PDSS2: variants seen among roughly 807,000 people sequenced by gnomAD.
The protein encoded by PDSS2 is all trans-polyprenyl-diphosphate synthase PDSS2.
Under a neutral mutation model 44.5 loss-of-function variants are expected in PDSS2, and 31 were observed. That is an observed-to-expected ratio of 0.70 (90% CI 0.52 to 0.94). The LOEUF is 0.94. PDSS2 is among the 40% of genes least tolerant of loss of function. The probability of loss-of-function intolerance (pLI) is 0.00; values close to 1 mark genes in which losing one functional copy is unlikely to be tolerated. For missense variants in PDSS2, 452 were observed against 482.2 expected (o/e 0.94, Z 0.59); for synonymous variants, 157 against 180.3 (o/e 0.87, Z 1.03).
intron 1 of PDSS2, among the ~76,000 whole-genome samples, chr6:107,369,162 G>A (rs1008886094): frequency 3.3e-5 from 5 of 152,226 alleles, no homozygotes; most frequent in African/African-American, 1.2e-4. Context: ...GCTCACGCCT[G>A]TAATCCTAGC....
intron 4 of PDSS2, among the ~76,000 whole-genome samples, chr6:107,224,755 A>G (rs1247495353): frequency 6.6e-6 from 1 of 151,372 alleles, no homozygotes; most frequent in Non-Finnish European, 1.5e-5. Flanking sequence ...GCCAACATTA[A>G]CAACTACTAG....
At chr6:107,458,938 A>G in intron 1 of PDSS2, 52 bp downstream of exon 1, 1 of 1,570,552 alleles carries the variant, frequency 6.4e-7, no homozygotes, top group East Asian at 2.2e-5. Flanking sequence ...CCCGCCAGAA[A>G]AAAAAGTATT....
intron 4 of PDSS2, among the ~76,000 whole-genome samples, chr6:107,226,988 T>C (rs1012640797): frequency 1.2e-4 from 18 of 149,976 alleles, no homozygotes; most frequent in African/African-American, 4.4e-4. Flanking sequence ...ACCCAGCCTT[T>C]TTTTTAATTA....
chr6:107,251,057 T>A (rs900643122), intron 3 of PDSS2, among the ~76,000 whole-genome samples: 1 of 152,180 alleles, frequency 6.6e-6, no homozygotes, highest in Non-Finnish European at 1.5e-5. Flanking sequence ...GATTTCACCA[T>A]GTTGGCCAGA....
chr6:107,426,925 G>A (rs1781024128), intron 1 of PDSS2, among the ~76,000 whole-genome samples: 1 of 152,126 alleles, frequency 6.6e-6, no homozygotes, highest in Non-Finnish European at 1.5e-5. Flanking sequence ...GACTTAAGAT[G>A]AGTTACTGGA....
chr6:107,173,493 C>G (rs9400103), intron 7 of PDSS2, among the ~76,000 whole-genome samples: 146,139 of 148,820 alleles, frequency 0.98, 71,803 homozygotes, highest in East Asian at 1. Context: ...AGAATTGCTT[C>G]AACCTGGGAA....
intron 6 of PDSS2, among the ~76,000 whole-genome samples, chr6:107,206,132 T>C (rs993230207): frequency 1.3e-5 from 2 of 152,200 alleles, no homozygotes; most frequent in Non-Finnish European, 2.9e-5. Context: ...AGTGCACTGG[T>C]GCGATCTTGG....
chr6:107,154,768 T>C lies in PDSS2; in HGVS notation c.1051A>G (p.Arg351Gly). 6.2e-7 allele frequency: 1 copy of C among 1,614,186 alleles called. No individual in the cohort carries two copies. The highest frequency in any genetic ancestry group is 8.5e-7 in the Non-Finnish European group (1 of 1,180,010). ...GTCACACCTTTGCCAGCTTTGATTC[T>C]TTCTCGCAACTGTTAAGAAACAAAT... is the stretch of plus-strand genomic sequence containing the variant. ...GRLDYAKLRERIKAGKGVTSA... is the reference protein window; with the variant it reads ...GRLDYAKLREGIKAGKGVTSA... The change falls in exon 8 of 8, where the codon AGA becomes GGA. Residue 351 changes from arginine to glycine, a missense_variant. By Grantham distance (125) the Arg-to-Gly change is moderately radical. Transcript: ENST00000369037.
chr6:107,304,043 C>T (rs1472993588), intron 2 of PDSS2, among the ~76,000 whole-genome samples: 1 of 152,210 alleles, frequency 6.6e-6, no homozygotes, highest in African/African-American at 2.4e-5. Flanking sequence ...CTGACATCAG[C>T]CCAGACTTAG....
At chr6:107,419,047 CAAAA>C (rs770768510) in intron 1 of PDSS2, among the ~76,000 whole-genome samples, 42 of 150,542 alleles carry the variant, frequency 2.8e-4, no homozygotes, top group Admixed American at 8.6e-4. Context: ...AAAAAAAAAA[CAAAA>C]AGAGTACAAA....
At chr6:107,264,161 C>T in intron 3 of PDSS2, 1 of 785,860 alleles carries the variant, frequency 1.3e-6, no homozygotes, top group Non-Finnish European at 1.6e-6. Flanking sequence ...AGTAAAATTA[C>T]TATAACAGAT....
intron 2 of PDSS2, among the ~76,000 whole-genome samples, chr6:107,309,979 C>T (rs934629594): frequency 1.3e-5 from 2 of 151,950 alleles, no homozygotes; most frequent in African/African-American, 2.4e-5. Context: ...GCTAGAAGTC[C>T]AAGATAAAAG....
intron 6 of PDSS2, among the ~76,000 whole-genome samples, chr6:107,206,124 T>A (rs1051956697): frequency 6.6e-6 from 1 of 152,216 alleles, no homozygotes; most frequent in Non-Finnish European, 1.5e-5. Context: ...CAGGCTGGAG[T>A]GCACTGGTGC....
chr6:107,252,837 A>C (rs917365890), intron 3 of PDSS2, among the ~76,000 whole-genome samples: 1 of 150,410 alleles, frequency 6.6e-6, no homozygotes, highest in African/African-American at 2.5e-5. Context: ...CCACAAATTC[A>C]GGAAGATGGC....
chr6:107,400,202 G>A (rs1780064837), intron 1 of PDSS2, among the ~76,000 whole-genome samples: 1 of 152,116 alleles, frequency 6.6e-6, no homozygotes, highest in Non-Finnish European at 1.5e-5. Context: ...GCAGAGGGAA[G>A]TGCTCCATGC....
intron 1 of PDSS2, among the ~76,000 whole-genome samples, chr6:107,414,297 A>T (rs319087): frequency 0.6 from 90,632 of 152,090 alleles, 28,025 homozygotes; most frequent in Non-Finnish European, 0.7. Context: ...TGGAGTTCAA[A>T]CACACTCTCA....
intron 3 of PDSS2, among the ~76,000 whole-genome samples, chr6:107,261,687 C>CG (rs1775233494): frequency 1.3e-5 from 2 of 149,698 alleles, no homozygotes; most frequent in Non-Finnish European, 2.9e-5. Flanking sequence ...AAGCAATTCT[C>CG]CTGCCTCCGC....
intron 1 of PDSS2, among the ~76,000 whole-genome samples, chr6:107,425,862 G>A (rs1036489945): frequency 1.3e-5 from 2 of 152,088 alleles, no homozygotes; most frequent in Admixed American, 6.5e-5. Context: ...TCGGGAGGCT[G>A]AGGCAGGAGA....
chr6:107,273,458 TAAG>T (rs1241846553), intron 3 of PDSS2, among the ~76,000 whole-genome samples: 1 of 151,982 alleles, frequency 6.6e-6, no homozygotes, highest in Non-Finnish European at 1.5e-5. Flanking sequence ...ATAGTAAAAA[TAAG>T]AAGCAACCTA....
Sources: gnomAD v4.1 joint callset for allele counts (sites outside exome capture counted in the v4.1 genomes callset) on GRCh38, gnomAD v4.1.1 for gene constraint, MANE v1.5 for transcripts, NCBI Gene and HGNC (gene_info 2026-07-23, HGNC 2026-07-21) for gene names.